KIF13B: variants seen among roughly 807,000 people sequenced by gnomAD.
The protein encoded by KIF13B is kinesin-like protein KIF13B.
Under a neutral mutation model 222.0 loss-of-function variants are expected in KIF13B, and 127 were observed. The ratio of observed to expected loss-of-function variants is 0.57; its 90% CI spans 0.50 to 0.66. The LOEUF (loss-of-function observed/expected upper bound fraction) is 0.66, where lower values mean the gene tolerates loss of function less well. Among genes scored for constraint, KIF13B ranks in the 30% least tolerant of loss-of-function variants. The pLI is 0.00. For synonymous variants in KIF13B, 976 were observed against 919.0 expected (o/e 1.06, Z -1.12); for missense variants, 2,173 against 2,379.0 (o/e 0.91, Z 1.80).
intron 38 of KIF13B, among the ~76,000 whole-genome samples, chr8:29,074,854 A>T (rs556807189): frequency 1.3e-5 from 2 of 152,382 alleles, no homozygotes; most frequent in South Asian, 4.1e-4. Context: ...GCTATTCATA[A>T]GATTAGAAGT....
At chr8:29,099,568 G>A (rs1175452696) in intron 35 of KIF13B, among the ~76,000 whole-genome samples, 1 of 152,022 alleles carries the variant, frequency 6.6e-6, no homozygotes. Flanking sequence ...GTAGAGACGG[G>A]ATGTCACTAT....
intron 37 of KIF13B, among the ~76,000 whole-genome samples, chr8:29,080,319 C>T (rs1010361244): frequency 4.2e-4 from 53 of 124,924 alleles, no homozygotes; most frequent in Non-Finnish European, 1.5e-4. Flanking sequence ...CAGAGTGAGA[C>T]CCAGTCTCAA....
rs1286514577 is a variant in KIF13B, at chr8:29,123,494, T to C, written c.3353-2A>G. 6.2e-7 allele frequency: 1 copy of C among 1,613,886 alleles called. No individual in the cohort carries two copies. Among genetic ancestry groups the C allele is most frequent in the Non-Finnish European group, 8.5e-7 (1 of 1,179,870 alleles). ...GGTCAGCATCATCCTCTGTTTTATC[T>C]AGAACATCGAGAATGAGGATTCAAT... On this transcript the variant is annotated splice_acceptor_variant, in intron 27 of 39. Transcript: ENST00000524189. LOFTEE classifies it high-confidence loss of function.
At chr8:29,199,173 T>C (rs1242532796) in intron 2 of KIF13B, among the ~76,000 whole-genome samples, 1 of 152,162 alleles carries the variant, frequency 6.6e-6, no homozygotes, top group Non-Finnish European at 1.5e-5. Flanking sequence ...CATCTTTTTA[T>C]TGTCTTTATA....
chr8:29,147,332 G>T, intron 17 of KIF13B, 60 bp downstream of exon 17: 2 of 1,203,362 alleles, frequency 1.7e-6, no homozygotes, highest in Non-Finnish European at 1.2e-6. Context: ...ACTTTCCCTA[G>T]GTGTGTTAGA....
chr8:29,233,817 G>A (rs1265671663), intron 2 of KIF13B, among the ~76,000 whole-genome samples: 2 of 152,178 alleles, frequency 1.3e-5, no homozygotes, highest in African/African-American at 4.8e-5. Context: ...TCACATCACT[G>A]CACTCCAGTG....
At chr8:29,207,684 C>G (rs1486713359) in intron 2 of KIF13B, among the ~76,000 whole-genome samples, 1 of 148,406 alleles carries the variant, frequency 6.7e-6, no homozygotes, top group South Asian at 2.1e-4. Context: ...ATACTTGAAT[C>G]AAAAGCAAAA....
intron 37 of KIF13B, among the ~76,000 whole-genome samples, chr8:29,087,869 T>C (rs1381543843): frequency 1.3e-5 from 2 of 151,700 alleles, no homozygotes; most frequent in Non-Finnish European, 2.9e-5. Context: ...GCCACTGCAC[T>C]CCAGCCTGGG....
At chr8:29,153,323 T>C (rs1424789842) in intron 14 of KIF13B, among the ~76,000 whole-genome samples, 2 of 152,324 alleles carry the variant, frequency 1.3e-5, no homozygotes, top group East Asian at 1.9e-4. Context: ...CATCTCCTGA[T>C]ATCAGTAATG....
At chr8:29,182,140 G>T in intron 6 of KIF13B, 134 bp from the exon 7 acceptor site, 1 of 580,028 alleles carries the variant, frequency 1.7e-6, no homozygotes, top group South Asian at 2.7e-5. Context: ...CTTGATCCCA[G>T]AAGAATTTAA....
At chr8:29,243,121 C>A (rs955159780) in intron 2 of KIF13B, among the ~76,000 whole-genome samples, 2 of 152,054 alleles carry the variant, frequency 1.3e-5, no homozygotes, top group Non-Finnish European at 1.5e-5. Context: ...CAAAGGCAGG[C>A]GGATCACTTG....
chr8:29,202,023 A>G (rs951286268), intron 2 of KIF13B, among the ~76,000 whole-genome samples: 13 of 152,246 alleles, frequency 8.5e-5, no homozygotes, highest in African/African-American at 3.1e-4. Context: ...TGTGTCCTCA[A>G]TATCTAGAAT....
At chr8:29,218,898 A>G (rs1233208766) in intron 2 of KIF13B, 1 of 152,304 alleles carries the variant, frequency 6.6e-6, no homozygotes, top group Non-Finnish European at 1.5e-5. Flanking sequence ...AGAAAAAATA[A>G]CAAAGCGTGG....
chr8:29,228,405 T>G (rs1815123412), intron 2 of KIF13B, among the ~76,000 whole-genome samples: 1 of 148,830 alleles, frequency 6.7e-6, no homozygotes, highest in African/African-American at 2.5e-5. Flanking sequence ...ATGCGGAGCT[T>G]CCAGTGAGCC....
At chr8:29,097,892 C>G (rs1808606644) in intron 36 of KIF13B, among the ~76,000 whole-genome samples, 1 of 151,990 alleles carries the variant, frequency 6.6e-6, no homozygotes, top group Admixed American at 6.6e-5. Context: ...GGTAAAGTGG[C>G]CAGGTGCGAT....
chr8:29,137,021 C>T (rs554350653), intron 21 of KIF13B, among the ~76,000 whole-genome samples: 5 of 151,914 alleles, frequency 3.3e-5, no homozygotes, highest in East Asian at 1.9e-4. Context: ...AGGATGGTCT[C>T]GATCTCCTGA....
At position 29,179,968 on chromosome 8, in the gene KIF13B, C is replaced by T. The variant is rs188492738; in HGVS notation, c.720+136G>A. On this transcript the variant is annotated intron_variant, in intron 8 of 39. Coordinates refer to ENST00000524189, the MANE Select transcript of KIF13B (RefSeq NM_015254.4). Reference sequence around the variant, plus strand: ...CCTTTCTATTGACCTAGAGGAGCTTCTGTTTCTCGTCCAGAGTCCTCATTG... The same window carrying T: ...CCTTTCTATTGACCTAGAGGAGCTTTTGTTTCTCGTCCAGAGTCCTCATTG... 163 of 945,550 alleles carry T rather than the reference C, an allele frequency of 1.7e-4. No individual in the cohort carries two copies. In the African/African-American group the frequency reaches 2.5e-3, roughly 14 times the overall value. 58.6% of individuals were successfully genotyped at this position (945,550 alleles called of 1,614,324 possible). A position where few individuals can be genotyped will look rare whatever the true frequency, so the allele number is the denominator to read the frequency against.
At chr8:29,227,120 C>T (rs1815061049) in intron 2 of KIF13B, among the ~76,000 whole-genome samples, 1 of 152,126 alleles carries the variant, frequency 6.6e-6, no homozygotes, top group Non-Finnish European at 1.5e-5. Context: ...TTTTGATGTA[C>T]CTTATTCAAT....
chr8:29,188,695 G>A lies in KIF13B; in HGVS notation c.224-88C>T, dbSNP rs532116527. The A allele has an allele frequency of 1.3e-3, 1,009 of 776,024 alleles. 10 individuals carry two copies. The South Asian group carries it at 0.013, about 10-fold the overall frequency. 48.1% of individuals were successfully genotyped at this position (776,024 alleles called of 1,614,324 possible). A position where few individuals can be genotyped will look rare whatever the true frequency, so the allele number is the denominator to read the frequency against. ...AAACAAAAACAAAAATCTCAAAAAT[G>A]TATAATCTGCTTATTTATCTCCAAA... is the stretch of plus-strand genomic sequence containing the variant. On this transcript the variant is annotated intron_variant, in intron 4 of 39. Transcript: ENST00000524189.
Sources: allele counts gnomAD v4.1 joint callset (sites outside exome capture counted in the v4.1 genomes callset), GRCh38; gene constraint gnomAD v4.1.1; transcripts MANE v1.5; gene names NCBI Gene and HGNC (gene_info 2026-07-23, HGNC 2026-07-21).